Variants in LATS2 observed in about 807,000 individuals in gnomAD.
The protein encoded by LATS2 is large tumor suppressor kinase 2.
A neutral mutation model predicts 76.0 loss-of-function variants in LATS2; 24 were observed. The ratio of observed to expected loss-of-function variants is 0.32; its 90% CI spans 0.23 to 0.44. The LOEUF (loss-of-function observed/expected upper bound fraction) is 0.44, where lower values mean the gene tolerates loss of function less well. LATS2 is among the 20% of genes least tolerant of loss of function. The pLI, the probability that LATS2 is intolerant of heterozygous loss-of-function variation, is 1.00. For synonymous variants in LATS2, 692 were observed against 635.4 expected, an observed-to-expected ratio of 1.09 and a Z score of -1.34; for missense variants, 1,286 against 1,481.2, an observed-to-expected ratio of 0.87 and a Z score of 2.16.
chr13:20,974,844 GA>G lies in LATS2; in HGVS notation c.*25del, dbSNP rs750967838. The G allele has an allele frequency of 1.3e-6, 2 of 1,579,030 alleles. No individual in the cohort carries two copies. The highest frequency in any genetic ancestry group is 2.7e-5 in the African/African-American group (2 of 74,004). On this transcript the variant is annotated 3_prime_UTR_variant, in exon 8 of 8. Transcript: ENST00000382592. Reference sequence around the variant, plus strand: ...CCGGGACCCTGACCTGGGAGGCAGCGAGTGGTGGGGGTGCCTGGCCCCCATC... The same window carrying G: ...CCGGGACCCTGACCTGGGAGGCAGCGGTGGTGGGGGTGCCTGGCCCCCATC...
At chr13:21,032,327 G>A (rs1486272543) in intron 2 of LATS2, among the ~76,000 whole-genome samples, 2 of 152,082 alleles carry the variant, frequency 1.3e-5, no homozygotes, top group African/African-American at 2.4e-5. Flanking sequence ...GTGCAATGGC[G>A]CGATCTTGGC....
At chr13:21,007,605 G>GTA (rs1266584103) in intron 2 of LATS2, among the ~76,000 whole-genome samples, 9 of 740 alleles carry the variant, frequency 0.012, 2 homozygotes, top group Admixed American at 0.026. Flanking sequence ...TATATATAGT[G>GTA]TGTATATATA....
At chr13:21,021,935 A>G (rs1307883083) in intron 2 of LATS2, among the ~76,000 whole-genome samples, 1 of 152,232 alleles carries the variant, frequency 6.6e-6, no homozygotes, top group Non-Finnish European at 1.5e-5. Flanking sequence ...AGAAAAACCA[A>G]AAATCTTTAC....
chr13:20,994,935 G>A (rs894192437), intron 2 of LATS2, among the ~76,000 whole-genome samples: 2 of 152,038 alleles, frequency 1.3e-5, no homozygotes, highest in Non-Finnish European at 2.9e-5. Context: ...ATCTAGAATC[G>A]TAGGTGGCTA....
At position 20,989,077 on chromosome 13, in the gene LATS2, A is replaced by G. The variant is rs1342588065; in HGVS notation, c.703T>C (p.Tyr235His). 1.4e-5 allele frequency: 22 copies of G among 1,594,300 alleles called. No individual in the cohort carries two copies. The highest frequency in any genetic ancestry group is 2.3e-5 in the East Asian group (1 of 44,272). The change falls in exon 4 of 8, where the codon TAC (tyrosine) becomes CAC (histidine). Residue 235 changes from tyrosine (Y) to histidine (H), a missense_variant. Tyr to His is a moderately conservative substitution (Grantham distance 83). Around this residue, in one of 5 missense-constraint regions of LATS2, gnomAD observed 710 missense variants for 660.9 expected, o/e 1.07. Coordinates refer to ENST00000382592, the MANE Select transcript of LATS2 (RefSeq NM_014572.3). ...CCTGCTGCCTCTACGCTGGCACCGTAGCCCTTGGGTGGGTGCTGGTGCTGG... is the reference window on the plus strand; with the variant it reads ...CCTGCTGCCTCTACGCTGGCACCGTGGCCCTTGGGTGGGTGCTGGTGCTGG... ...GHQHQHPPKG[Y>H]GASVEAAGAH... is the part of the protein sequence containing the mutation.
In LATS2 at chr13:20,973,883, G is replaced by A. The variant is rs561488299; in HGVS notation, c.*987C>T. 1.0e-4 allele frequency: 23 copies of A among 228,860 alleles called. No homozygotes were observed. The highest frequency in any genetic ancestry group is 4.4e-4 in the African/African-American group (20 of 45,058). 14.2% of individuals were successfully genotyped at this position (228,860 alleles called of 1,614,324 possible). ...GAAAGAGCATACGGACTACAGAAAC[G>A]GACATGTGTCCGTGATTAAACTTTT... On this transcript the variant is annotated 3_prime_UTR_variant, in exon 8 of 8. Transcript: ENST00000382592.
chr13:21,060,827 G>A (rs1180337708), intron 1 of LATS2, among the ~76,000 whole-genome samples: 1 of 151,470 alleles, frequency 6.6e-6, no homozygotes, highest in Non-Finnish European at 1.5e-5. Context: ...GGATGGCCCC[G>A]GATCCGTGGG....
At chr13:21,001,360 T>C (rs1871032939) in intron 2 of LATS2, among the ~76,000 whole-genome samples, 1 of 152,148 alleles carries the variant, frequency 6.6e-6, no homozygotes, top group South Asian at 2.1e-4. Flanking sequence ...CTAAAAAATT[T>C]CTCCCATCCC....
chr13:21,010,525 GAACA>G lies in LATS2; in HGVS notation c.343-19125_343-19122del, dbSNP rs1490618275. ...CAAGGAAGTTTTCCAAACAAAGCCGGAACAAACAAACAAAAAATCAAATAGTGCA... is the reference window on the plus strand; with the variant it reads ...CAAGGAAGTTTTCCAAACAAAGCCGGAACAAACAAAAAATCAAATAGTGCA... On this transcript the variant is annotated intron_variant, in intron 2 of 7. Transcript: ENST00000382592. Among the ~76,000 whole-genome samples, 7 of 152,098 alleles carry G rather than the reference GAACA, an allele frequency of 4.6e-5. 1 individual carries two copies. In the East Asian group the frequency reaches 1.2e-3, roughly 25 times the overall value.
At chr13:20,993,792 C>T (rs1388690383) in intron 2 of LATS2, among the ~76,000 whole-genome samples, 4 of 152,102 alleles carry the variant, frequency 2.6e-5, no homozygotes, top group African/African-American at 9.7e-5. Context: ...GATGAGATCA[C>T]GTCTACGAAG....
At chr13:20,980,871 G>A (rs890423144) in intron 6 of LATS2, among the ~76,000 whole-genome samples, 3 of 152,214 alleles carry the variant, frequency 2.0e-5, no homozygotes, top group African/African-American at 4.8e-5. Flanking sequence ...TGTGGACCAT[G>A]CAGGATCACT....
At chr13:21,000,453 A>T (rs1003621436) in intron 2 of LATS2, among the ~76,000 whole-genome samples, 23 of 152,318 alleles carry the variant, frequency 1.5e-4, no homozygotes, top group African/African-American at 5.5e-4. Context: ...AACCAAAAAT[A>T]TTCAGGGGTG....
At chr13:20,996,376 GA>G (rs1319937095) in intron 2 of LATS2, among the ~76,000 whole-genome samples, 1 of 126,326 alleles carries the variant, frequency 7.9e-6, no homozygotes, top group East Asian at 2.4e-4. Flanking sequence ...AGTGGTAGAA[GA>G]TTTTTTTTTT....
intron 1 of LATS2, among the ~76,000 whole-genome samples, chr13:21,054,356 C>T (rs558638496): frequency 2.0e-5 from 3 of 152,130 alleles, no homozygotes; most frequent in Non-Finnish European, 2.9e-5. Flanking sequence ...TGCTGTGAGC[C>T]GAGGTCATTC....
intron 1 of LATS2, among the ~76,000 whole-genome samples, chr13:21,053,215 CAG>C (rs1459885235): frequency 4.2e-5 from 5 of 118,858 alleles, no homozygotes; most frequent in Admixed American, 3.7e-4. Flanking sequence ...AGCTTGGCAA[CAG>C]AGTGAGACTC....
intron 2 of LATS2, among the ~76,000 whole-genome samples, chr13:21,019,794 C>T (rs1408844769): frequency 4.7e-5 from 7 of 149,704 alleles, no homozygotes; most frequent in Non-Finnish European, 1.0e-4. Flanking sequence ...GCCAACATGG[C>T]AAAACCCCAT....
At chr13:20,996,845 T>A (rs1870779670) in intron 2 of LATS2, among the ~76,000 whole-genome samples, 1 of 152,228 alleles carries the variant, frequency 6.6e-6, no homozygotes, top group Admixed American at 6.5e-5. Flanking sequence ...GGAGCCCTTA[T>A]CTGCTACCCT....
At chr13:20,990,461 ATTTTTT>A (rs35074574) in intron 3 of LATS2, among the ~76,000 whole-genome samples, 3 of 94,534 alleles carry the variant, frequency 3.2e-5, no homozygotes, top group African/African-American at 1.2e-4. Context: ...AATTACTAGG[ATTTTTT>A]TTTTTTTTTT....
chr13:20,973,968 A>G lies in LATS2; in HGVS notation c.*902T>C. 1 of 163,424 alleles carries G rather than the reference A, an allele frequency of 6.1e-6. No individual in the cohort carries two copies. Among genetic ancestry groups the G allele is most frequent in the Admixed American group, 8.4e-5 (1 of 11,912 alleles). 10.1% of individuals were successfully genotyped at this position (163,424 alleles called of 1,614,324 possible). A position where few individuals can be genotyped will look rare whatever the true frequency, so the allele number is the denominator to read the frequency against. The stretch of plus-strand genomic sequence containing the variant: ...AAGTTCAGTATATGACAAATGTTTC[A>G]GTTCCCCCCCCCCAAAGAATCCAAT... On this transcript the variant is annotated 3_prime_UTR_variant, in exon 8 of 8. Transcript: ENST00000382592.
Sources: gnomAD v4.1 joint callset for allele counts (sites outside exome capture counted in the v4.1 genomes callset) on GRCh38, gnomAD v4.1.1 for gene constraint, gnomAD v4.1.1 regional missense constraint, MANE v1.5 for transcripts, NCBI Gene and HGNC (gene_info 2026-07-23, HGNC 2026-07-21) for gene names.